SNX24: variants seen among roughly 807,000 people sequenced by gnomAD.
The protein encoded by SNX24 is sorting nexin-24.
A neutral mutation model predicts 28.7 loss-of-function variants in SNX24; 22 were observed. That is an observed-to-expected ratio of 0.77 (90% CI 0.55 to 1.10). The LOEUF is 1.10. SNX24 is among the 50% of genes least tolerant of loss of function. The pLI, the probability that SNX24 is intolerant of heterozygous loss-of-function variation, is 0.00. For synonymous variants in SNX24, 69 were observed against 71.5 expected, an observed-to-expected ratio of 0.96 and a Z score of 0.18; for missense variants, 221 against 201.1, an observed-to-expected ratio of 1.10 and a Z score of -0.60.
At chr5:122,963,727 T>A (rs1760581676) in intron 3 of SNX24, among the ~76,000 whole-genome samples, 1 of 152,210 alleles carries the variant, frequency 6.6e-6, no homozygotes, top group Admixed American at 6.5e-5. Flanking sequence ...ATGACTCCAG[T>A]TTAATCCAAG....
intron 3 of SNX24, among the ~76,000 whole-genome samples, chr5:122,963,596 A>G (rs1422759713): frequency 3.3e-5 from 5 of 152,186 alleles, no homozygotes; most frequent in Non-Finnish European, 7.3e-5. Flanking sequence ...CATTCAGAGA[A>G]GATTTTAGGA....
chr5:122,953,157 T>G (rs1360432569), intron 3 of SNX24, among the ~76,000 whole-genome samples: 1 of 151,474 alleles, frequency 6.6e-6, no homozygotes, highest in Non-Finnish European at 1.5e-5. Context: ...CAGGCTGGAG[T>G]GCAGTGGCAC....
chr5:122,920,687 T>C (rs563956188), intron 1 of SNX24, among the ~76,000 whole-genome samples: 66 of 152,290 alleles, frequency 4.3e-4, no homozygotes, highest in African/African-American at 1.5e-3. Flanking sequence ...AGCTGAAAAG[T>C]GATTTTCCTA....
chr5:122,966,555 T>C (rs1437554292), intron 3 of SNX24, among the ~76,000 whole-genome samples: 2 of 152,182 alleles, frequency 1.3e-5, no homozygotes, highest in Non-Finnish European at 2.9e-5. Flanking sequence ...ATTTGGCTGT[T>C]AGGCTGTAAT....
intron 3 of SNX24, among the ~76,000 whole-genome samples, chr5:122,950,169 A>G (rs1759877128): frequency 6.6e-6 from 1 of 152,230 alleles, no homozygotes; most frequent in South Asian, 2.1e-4. Flanking sequence ...TCATCTCAGT[A>G]AAAGGTCTAT....
chr5:123,008,227 G>A lies in SNX24; in HGVS notation c.*478G>A, dbSNP rs1411886237. 2.0e-6 allele frequency: 2 copies of A among 986,076 alleles called. No individual in the cohort carries two copies. The highest frequency in any genetic ancestry group is 2.4e-6 in the Non-Finnish European group (2 of 830,430). The allele number at this position is 986,076 out of a possible 1,614,324, so 61.1% of individuals were successfully genotyped here. ...GTACATTCTGAAATGCTGGCACCAG[G>A]AGACGGCCACAGACACACACTGCTA... On this transcript the variant is annotated 3_prime_UTR_variant, in exon 7 of 7. Coordinates refer to ENST00000261369, the MANE Select transcript of SNX24 (RefSeq NM_014035.4).
chr5:122,965,321 C>A, intron 3 of SNX24: 1 of 359,430 alleles, frequency 2.8e-6, no homozygotes, highest in South Asian at 2.1e-5. Flanking sequence ...ATTCATTTTC[C>A]ACTCAGGCCT....
chr5:123,017,160 T>A (rs764716069), intron 5 of SNX24, among the ~76,000 whole-genome samples: 3 of 152,040 alleles, frequency 2.0e-5, no homozygotes, highest in Non-Finnish European at 2.9e-5. Flanking sequence ...TGATTGTATA[T>A]AATTGCTTCA....
At chr5:122,962,671 A>G (rs188104863) in intron 3 of SNX24, among the ~76,000 whole-genome samples, 45 of 152,386 alleles carry the variant, frequency 3.0e-4, no homozygotes, top group Middle Eastern at 3.4e-3. Flanking sequence ...AGTAATGGCA[A>G]TTAGAAATAT....
At chr5:122,961,095 C>T (rs1480499461) in intron 3 of SNX24, among the ~76,000 whole-genome samples, 1 of 152,122 alleles carries the variant, frequency 6.6e-6, no homozygotes, top group African/African-American at 2.4e-5. Flanking sequence ...CTGTTTCTAG[C>T]CATCCAACTC....
At chr5:122,962,400 A>G (rs1245032970) in intron 3 of SNX24, among the ~76,000 whole-genome samples, 2 of 152,250 alleles carry the variant, frequency 1.3e-5, no homozygotes, top group South Asian at 2.1e-4. Flanking sequence ...TAAATATGAC[A>G]TATCACCTTT....
intron 3 of SNX24, among the ~76,000 whole-genome samples, chr5:122,982,266 C>T (rs1429998775): frequency 6.6e-6 from 1 of 152,184 alleles, no homozygotes; most frequent in Non-Finnish European, 1.5e-5. Flanking sequence ...TATCATATTC[C>T]ACTGCTATTT....
At chr5:122,849,911 G>A (rs1013859697) in intron 1 of SNX24, among the ~76,000 whole-genome samples, 2 of 151,454 alleles carry the variant, frequency 1.3e-5, no homozygotes, top group Non-Finnish European at 1.5e-5. Flanking sequence ...TGATCTTGAG[G>A]TGTGTAGCAG....
At position 123,001,432 on chromosome 5, in the gene SNX24, G is replaced by A. The variant is rs776601685; in HGVS notation, c.372G>A (p.Glu124=). 6.2e-7 allele frequency: 1 copy of A among 1,605,118 alleles called. No individual in the cohort carries two copies. The highest frequency in any genetic ancestry group is 8.5e-7 in the Non-Finnish European group (1 of 1,172,764). The change falls in exon 5 of 7, where the codon GAG becomes GAA. Residue 124 remains glutamate, a synonymous_variant. Coordinates refer to ENST00000261369, the MANE Select transcript of SNX24 (RefSeq NM_014035.4). ...CTTTTGATGAAACAGAGTCTGAAGAGTCAAGGTAAGGACTAATCCTCATCA... is the reference window on the plus strand; with the variant it reads ...CTTTTGATGAAACAGAGTCTGAAGAATCAAGGTAAGGACTAATCCTCATCA... ...CGSFDETESE[E]SSKLSHQPVL...
At chr5:123,025,681 A>G in intron 5 of SNX24, 3 of 1,223,340 alleles carry the variant, frequency 2.5e-6, no homozygotes, top group Non-Finnish European at 3.5e-6. Flanking sequence ...AGTCAGCTAT[A>G]TAATGGATCT....
At position 122,903,115 on chromosome 5, in the gene SNX24, G is replaced by GT. The variant is rs556702089; in HGVS notation, c.61-33610dup. ...CTCTCCTTTGTACGTTTTTTTGTTT[G>GT]TTTTTTTTTGATACAGCGTCTTAGT... On this transcript the variant is annotated intron_variant, in intron 1 of 6. Coordinates refer to ENST00000261369, the MANE Select transcript of SNX24 (RefSeq NM_014035.4). 4.1e-3 allele frequency among the ~76,000 whole-genome samples: 613 copies of GT among 150,046 alleles called. 4 individuals are homozygous for GT. Among genetic ancestry groups the GT allele is most frequent in the African/African-American group, 0.013 (517 of 40,824 alleles).
At chr5:123,026,170 C>A (rs1292232449) in intron 5 of SNX24, among the ~76,000 whole-genome samples, 1 of 152,124 alleles carries the variant, frequency 6.6e-6, no homozygotes, top group Non-Finnish European at 1.5e-5. Flanking sequence ...CTAAAATGAA[C>A]AAAGAAAGCC....
intron 3 of SNX24, among the ~76,000 whole-genome samples, chr5:122,971,049 G>C (rs553925086): frequency 4.6e-5 from 7 of 152,318 alleles, no homozygotes; most frequent in African/African-American, 1.7e-4. Flanking sequence ...AAGCTAAGGA[G>C]CAAGGAAGCC....
chr5:122,963,511 G>A (rs781630836), intron 3 of SNX24, among the ~76,000 whole-genome samples: 5 of 152,140 alleles, frequency 3.3e-5, no homozygotes, highest in Non-Finnish European at 7.4e-5. Context: ...TCCCTGAGTT[G>A]GCATTATATT....
Sources: allele counts gnomAD v4.1 joint callset (sites outside exome capture counted in the v4.1 genomes callset), GRCh38; gene constraint gnomAD v4.1.1; transcripts MANE v1.5; gene names NCBI Gene and HGNC (gene_info 2026-07-23, HGNC 2026-07-21).